DLC1: variants seen among roughly 807,000 people sequenced by gnomAD.
The protein encoded by DLC1 is rho GTPase-activating protein 7.
In DLC1, 54 loss-of-function variants were observed where a neutral mutation model predicts 140.3. That is an observed-to-expected ratio of 0.38 (90% confidence interval 0.31 to 0.48). The LOEUF is 0.48. Ranked by LOEUF, DLC1 falls within the 20% of genes least tolerant of loss-of-function variation. The pLI is 0.96. For missense variants in DLC1, 2,536 were observed against 1,907.0 expected, an observed-to-expected ratio of 1.33 and a Z score of -6.14; for synonymous variants, 986 against 728.1, an observed-to-expected ratio of 1.35 and a Z score of -5.70.
intron 5 of DLC1, among the ~76,000 whole-genome samples, chr8:13,126,743 T>C (rs758323248): frequency 6.6e-6 from 1 of 152,224 alleles, no homozygotes; most frequent in Non-Finnish European, 1.5e-5. Flanking sequence ...TTCTTTTACA[T>C]ATGTTAGCAA....
intron 1 of DLC1, among the ~76,000 whole-genome samples, chr8:13,602,523 T>C (rs1805922526): frequency 6.6e-6 from 1 of 151,814 alleles, no homozygotes; most frequent in East Asian, 1.9e-4. Context: ...TGACATGATG[T>C]CTAGGGTTTA....
intron 1 of DLC1, among the ~76,000 whole-genome samples, chr8:13,573,787 T>G (rs1009383415): frequency 1.6e-4 from 24 of 152,208 alleles, no homozygotes; most frequent in Admixed American, 1.3e-3. Flanking sequence ...GCACTTACTA[T>G]TCAGAATTAA....
At chr8:13,437,222 A>T (rs1331724332) in intron 2 of DLC1, among the ~76,000 whole-genome samples, 2 of 152,198 alleles carry the variant, frequency 1.3e-5, no homozygotes, top group African/African-American at 4.8e-5. Context: ...CTTGAATGAA[A>T]ACATAAATCA....
chr8:13,546,536 T>C (rs1299859643), intron 1 of DLC1, among the ~76,000 whole-genome samples: 4 of 152,192 alleles, frequency 2.6e-5, no homozygotes, highest in African/African-American at 7.2e-5. Context: ...CTTCCAGATG[T>C]CTTATTTACA....
chr8:13,299,699 G>A (rs941025210), intron 5 of DLC1, among the ~76,000 whole-genome samples: 2 of 152,028 alleles, frequency 1.3e-5, no homozygotes, highest in Admixed American at 6.5e-5. Context: ...GGCTCCTTGC[G>A]GGAAACAAAT....
rs1356790953 is a variant in DLC1 at position 13,100,446 on chromosome 8, C to T, written c.1891G>A (p.Ala631Thr). ...CTGCCGAAAGAGTCGTCATTGCCTG[C>T]CAAGTTGCTGGAGGAGCAAACGCTG... is the stretch of plus-strand genomic sequence containing the variant. ...VISVCSSSNL[A>T]GNDDSFGSLP... The change falls in exon 9 of 18, where the codon GCA becomes ACA. Residue 631 changes from alanine (A) to threonine (T), a missense_variant. Coordinates refer to ENST00000276297, the MANE Select transcript of DLC1 (RefSeq NM_182643.3). 5 of 1,613,922 alleles carry T rather than the reference C, an allele frequency of 3.1e-6. No individual in the cohort carries two copies. Among genetic ancestry groups the T allele is most frequent in the Non-Finnish European group, 4.2e-6 (5 of 1,180,032 alleles).
chr8:13,591,898 C>T (rs549035908), intron 1 of DLC1, among the ~76,000 whole-genome samples: 2 of 152,080 alleles, frequency 1.3e-5, no homozygotes, highest in African/African-American at 4.8e-5. Context: ...GAGAGAGAAA[C>T]CTATGGTTTT....
At chr8:13,360,535 T>C (rs1470894180) in intron 4 of DLC1, among the ~76,000 whole-genome samples, 1 of 152,202 alleles carries the variant, frequency 6.6e-6, no homozygotes, top group Non-Finnish European at 1.5e-5. Flanking sequence ...TGTTTCTGAT[T>C]TAATTGATAC....
chr8:13,436,049 A>G lies in DLC1; in HGVS notation c.1024-34430T>C, dbSNP rs574472384. Among the ~76,000 whole-genome samples the G allele has an allele frequency of 6.6e-5, 10 of 152,340 alleles. No individual in the cohort carries two copies. The East Asian group carries it at 1.7e-3, about 26-fold the overall frequency. ...TTAAATTAAGATATGCACTTTTTAA[A>G]AGACAGAATGCTGTTGCATACTTGA... On this transcript the variant is annotated intron_variant, in intron 2 of 17. Coordinates refer to ENST00000276297, the MANE Select transcript of DLC1 (RefSeq NM_182643.3).
Position 13,499,741 on chromosome 8 carries a change from A to T in DLC1, c.331T>A (p.Ser111Thr), listed in dbSNP as rs1801702443. ...EASTETLVHV[S>T]DEDNNADLCL... Reference sequence around the variant, plus strand: ...AAATCAGCATTGTTATCCTCATCAGAAACATGCACTAGTGTTTCTGTGCTG... The same window carrying T: ...AAATCAGCATTGTTATCCTCATCAGTAACATGCACTAGTGTTTCTGTGCTG... Residue 111 changes from serine (S) to threonine (T), a missense_variant, in exon 2 of 18, where the codon TCT (serine) becomes ACT (threonine). Coordinates refer to ENST00000276297, the MANE Select transcript of DLC1 (RefSeq NM_182643.3). 1 of 1,614,030 alleles carries T rather than the reference A, an allele frequency of 6.2e-7. No homozygotes were observed. The highest frequency in any genetic ancestry group is 1.1e-5 in the South Asian group (1 of 91,090).
intron 2 of DLC1, among the ~76,000 whole-genome samples, chr8:13,434,016 C>T (rs994028416): frequency 2.0e-5 from 3 of 152,096 alleles, no homozygotes; most frequent in Non-Finnish European, 2.9e-5. Flanking sequence ...CCACCATGCC[C>T]GGCTAATTTT....
At chr8:13,264,580 G>C (rs1041525003) in intron 5 of DLC1, among the ~76,000 whole-genome samples, 2 of 152,108 alleles carry the variant, frequency 1.3e-5, no homozygotes, top group African/African-American at 4.8e-5. Context: ...GAGAACTTCA[G>C]GGGGAGCGGG....
chr8:13,253,115 T>C (rs1830080809), intron 5 of DLC1, among the ~76,000 whole-genome samples: 1 of 152,206 alleles, frequency 6.6e-6, no homozygotes, highest in Non-Finnish European at 1.5e-5. Flanking sequence ...ACTCCTGGAC[T>C]GGTGTAAGAA....
chr8:13,196,137 C>T (rs556319746), intron 5 of DLC1, among the ~76,000 whole-genome samples: 16 of 144,742 alleles, frequency 1.1e-4, no homozygotes, highest in South Asian at 8.9e-4. Flanking sequence ...CACGTGAACT[C>T]GAAGAAATAT....
intron 4 of DLC1, among the ~76,000 whole-genome samples, chr8:13,348,857 T>C (rs1263027153): frequency 6.6e-6 from 1 of 152,178 alleles, no homozygotes. Flanking sequence ...GAGAGCTGTA[T>C]TCTCAACCTT....
chr8:13,197,456 C>A (rs113217437), intron 5 of DLC1, among the ~76,000 whole-genome samples: 175 of 152,086 alleles, frequency 1.2e-3, no homozygotes, highest in Admixed American at 2.6e-3. Context: ...TCACGCCATT[C>A]TCCTGCCTCA....
chr8:13,318,293 C>CA (rs1476731378), intron 4 of DLC1, among the ~76,000 whole-genome samples: 1 of 151,856 alleles, frequency 6.6e-6, no homozygotes, highest in Non-Finnish European at 1.5e-5. Context: ...CTTGGCTTCC[C>CA]AAAGTTCTGG....
intron 4 of DLC1, among the ~76,000 whole-genome samples, chr8:13,350,548 T>C (rs1834603767): frequency 6.6e-6 from 1 of 152,094 alleles, no homozygotes; most frequent in South Asian, 2.1e-4. Context: ...AAATCCTGTC[T>C]CTACTAAAAA....
intron 5 of DLC1, among the ~76,000 whole-genome samples, chr8:13,264,248 T>C (rs373404357): frequency 2.0e-5 from 3 of 151,964 alleles, no homozygotes; most frequent in South Asian, 4.2e-4. Flanking sequence ...TTTTTTTGTA[T>C]TTTTAGTAGA....
Sources: gnomAD v4.1 joint callset for allele counts (sites outside exome capture counted in the v4.1 genomes callset) on GRCh38, gnomAD v4.1.1 for gene constraint, MANE v1.5 for transcripts, NCBI Gene and HGNC (gene_info 2026-07-23, HGNC 2026-07-21) for gene names.